EXO1: variants seen among roughly 807,000 people sequenced by gnomAD.
The protein encoded by EXO1 is exonuclease 1.
Under a neutral mutation model 84.5 loss-of-function variants are expected in EXO1, and 69 were observed. The observed-to-expected ratio is 0.82, with a 90% CI of 0.67 to 1.00. EXO1 has a LOEUF of 1.00. Among genes scored for constraint, EXO1 ranks in the 50% least tolerant of loss-of-function variants. The pLI is 0.00. For synonymous variants in EXO1, 373 were observed against 366.1 expected (o/e 1.02, Z -0.21); for missense variants, 1,045 against 1,000.7 (o/e 1.04, Z -0.60).
chr1:241,852,724 T>G (rs910923247), intron 5 of EXO1, among the ~76,000 whole-genome samples: 1 of 152,236 alleles, frequency 6.6e-6, no homozygotes, highest in African/African-American at 2.4e-5. Flanking sequence ...TGGTATAATC[T>G]TGGCTCGCTG....
chr1:241,876,171 A>C (rs528689039), intron 12 of EXO1, among the ~76,000 whole-genome samples: 3 of 152,354 alleles, frequency 2.0e-5, no homozygotes, highest in South Asian at 4.1e-4. Context: ...CAGAGGGTGC[A>C]TTAAGAGATA....
intron 15 of EXO1, among the ~76,000 whole-genome samples, chr1:241,888,164 CG>C (rs1427436519): frequency 6.6e-6 from 1 of 152,022 alleles, no homozygotes; most frequent in East Asian, 1.9e-4. Context: ...TGCTTGAGCC[CG>C]GGAGGTGGCG....
intron 15 of EXO1, 137 bp downstream of exon 15, chr1:241,885,644 C>T: frequency 1.4e-6 from 1 of 734,956 alleles, no homozygotes; most frequent in Non-Finnish European, 2.4e-6. Context: ...TTCTCTCTTC[C>T]CTTTAGCTAA....
At chr1:241,865,620 A>C (rs1661667765) in intron 10 of EXO1, among the ~76,000 whole-genome samples, 1 of 151,818 alleles carries the variant, frequency 6.6e-6, no homozygotes, top group Non-Finnish European at 1.5e-5. Context: ...ATGGAATGCT[A>C]AGATGGCCAT....
intron 15 of EXO1, 77 bp downstream of exon 15, chr1:241,885,584 T>G: frequency 9.1e-6 from 10 of 1,102,584 alleles, no homozygotes; most frequent in Non-Finnish European, 1.4e-5. Context: ...CTCCCAACTC[T>G]TCCTAGTTTC....
At chr1:241,855,377 C>G (rs4149890) in intron 6 of EXO1, among the ~76,000 whole-genome samples, 11,846 of 152,172 alleles carry the variant, frequency 0.078, 714 homozygotes, top group Admixed American at 0.19. Context: ...TTCACAAACC[C>G]TGAGCTAGAC....
At chr1:241,859,268 G>A (rs376351640) in intron 8 of EXO1, among the ~76,000 whole-genome samples, 9 of 148,478 alleles carry the variant, frequency 6.1e-5, no homozygotes, top group African/African-American at 2.2e-4. Flanking sequence ...TGAGAGAGAG[G>A]AATCATACAT....
intron 15 of EXO1, 115 bp from the exon 16 acceptor site, chr1:241,889,350 C>G (rs1222310203): frequency 9.1e-6 from 8 of 882,740 alleles, no homozygotes; most frequent in Non-Finnish European, 1.3e-5. Flanking sequence ...TGAAAGAGAT[C>G]GTACAGTAAA....
At chr1:241,881,888 A>G (rs1421101082) in intron 13 of EXO1, 28 bp from the exon 14 acceptor site, 8 of 1,154,080 alleles carry the variant, frequency 6.9e-6, no homozygotes, top group Non-Finnish European at 3.9e-6. Flanking sequence ...ATCTAATTTT[A>G]TTTTATTTTT....
At chr1:241,879,477 A>G in intron 13 of EXO1, 134 bp downstream of exon 13, 1 of 620,656 alleles carries the variant, frequency 1.6e-6, no homozygotes, top group Non-Finnish European at 2.8e-6. Flanking sequence ...TCTACTGTGC[A>G]GAAAGTTCAC....
At chr1:241,885,538 A>C in intron 15 of EXO1, 31 bp downstream of exon 15, 1 of 1,496,998 alleles carries the variant, frequency 6.7e-7, no homozygotes, top group Non-Finnish European at 9.3e-7. Flanking sequence ...TTCTGAAACA[A>C]GATAAACTGT....
chr1:241,852,347 C>T lies in EXO1; in HGVS notation c.217C>T (p.Pro73Ser), dbSNP rs199625132. 6.3e-6 allele frequency: 10 copies of T among 1,586,460 alleles called. No individual in the cohort carries two copies. In the African/African-American group the frequency reaches 1.2e-4, roughly 19 times the overall value. ...TATGTTACTATCTCATGGGATCAAG[C>T]CTATTCTCGTATTTGATGGATGTAC... ...VNMLLSHGIKPILVFDGCTLP... is the reference protein window; with the variant it reads ...VNMLLSHGIKSILVFDGCTLP... Residue 73 changes from proline to serine, a missense_variant, in exon 5 of 16, where the codon CCT becomes TCT. Coordinates refer to ENST00000366548, the MANE Select transcript of EXO1 (RefSeq NM_130398.4).
intron 14 of EXO1, 102 bp from the exon 15 acceptor site, chr1:241,885,212 G>GTAAA (rs57809020): frequency 0.27 from 117,313 of 435,776 alleles, 17,577 homozygotes; most frequent in Non-Finnish European, 0.31. Context: ...ATCTCAAAAA[G>GTAAA]TAAATAAATA....
rs1177242931 is a variant in EXO1 at position 241,879,308 on chromosome 1, CT to C, written c.2077del (p.Ser693LeufsTer42). ...ACTGCAGAGTTCAAATGCATCAAAG[CT>C]TTCTCAGTGCTCTAGTAAGGACTCT... ...FSLQSSNASKLSQCSSKDSDS... is the reference protein window; with the variant it reads ...FSLQSSNASKXSQCSSKDSDS... On this transcript the variant is annotated frameshift_variant, in exon 13 of 16. Transcript: ENST00000366548. LOFTEE classifies it high-confidence loss of function. The C allele has an allele frequency of 2.5e-6, 4 of 1,605,464 alleles. No individual in the cohort carries two copies. Among genetic ancestry groups the C allele is most frequent in the Non-Finnish European group, 3.4e-6 (4 of 1,176,822 alleles).
chr1:241,850,400 T>G lies in EXO1; in HGVS notation c.-17-9T>G. On this transcript the variant is annotated splice_polypyrimidine_tract_variant and intron_variant, in intron 3 of 15. Coordinates refer to ENST00000366548, the MANE Select transcript of EXO1 (RefSeq NM_130398.4). Reference sequence around the variant, plus strand: ...ATATTACTGTTCTCCCTGTCTCTTTTCATATCAGGTAGTTAATTTGGCACC... The same window carrying G: ...ATATTACTGTTCTCCCTGTCTCTTTGCATATCAGGTAGTTAATTTGGCACC... 6.3e-7 allele frequency: 1 copy of G among 1,580,838 alleles called. No individual in the cohort carries two copies. The highest frequency in any genetic ancestry group is 8.7e-7 in the Non-Finnish European group (1 of 1,149,736).
intron 12 of EXO1, among the ~76,000 whole-genome samples, chr1:241,877,595 C>A (rs1363154973): frequency 1.3e-5 from 2 of 151,926 alleles, no homozygotes; most frequent in African/African-American, 4.8e-5. Context: ...TGAACTAATG[C>A]CTATTAAGGA....
Position 241,860,569 on chromosome 1 carries a change from A to T in EXO1, c.809A>T (p.Asp270Val), listed in dbSNP as rs201509012. The change falls in exon 9 of 16, where the codon GAT becomes GTT. Residue 270 changes from aspartate to valine, a missense_variant. Coordinates refer to ENST00000366548, the MANE Select transcript of EXO1 (RefSeq NM_130398.4). ...AAGATGAATATCACGGTACCAGAGGATTACATCAACGGGTTTATTCGGGCC... is the reference window on the plus strand; with the variant it reads ...AAGATGAATATCACGGTACCAGAGGTTTACATCAACGGGTTTATTCGGGCC... ...YLKMNITVPEDYINGFIRANN... is the reference protein window; with the variant it reads ...YLKMNITVPEVYINGFIRANN... The T allele has an allele frequency of 7.4e-4, 1,191 of 1,614,078 alleles. 2 individuals carry two copies. The highest frequency in any genetic ancestry group is 2.3e-3 in the South Asian group (205 of 91,070).
At chr1:241,865,861 C>T (rs1661683299) in intron 10 of EXO1, among the ~76,000 whole-genome samples, 2 of 152,170 alleles carry the variant, frequency 1.3e-5, no homozygotes, top group South Asian at 4.1e-4. Context: ...AATTAAATTA[C>T]CTTCCTTATT....
chr1:241,882,527 T>TAAA lies in EXO1; in HGVS notation c.2211+510_2211+511insAAA, dbSNP rs1574184891. ...TTGTTGAATCAAAATATATAAATATTTGTGTTACTACATAGTAAAGCATAT... is the reference window on the plus strand; with the variant it reads ...TTGTTGAATCAAAATATATAAATATTAAATGTGTTACTACATAGTAAAGCATAT... On this transcript the variant is annotated intron_variant, in intron 14 of 15. Transcript: ENST00000366548. Among the ~76,000 whole-genome samples the TAAA allele has an allele frequency of 2.6e-5, 4 of 152,326 alleles. No individual in the cohort carries two copies. The East Asian group carries it at 7.7e-4, about 29-fold the overall frequency.
Sources: allele counts gnomAD v4.1 joint callset (sites outside exome capture counted in the v4.1 genomes callset), GRCh38; gene constraint gnomAD v4.1.1; transcripts MANE v1.5; gene names NCBI Gene and HGNC (gene_info 2026-07-23, HGNC 2026-07-21).